UTRN: variants seen among roughly 807,000 people sequenced by gnomAD.
UTRN encodes dystrophin-related protein 1.
Under a neutral mutation model 463.9 loss-of-function variants are expected in UTRN, and 283 were observed. The ratio of observed to expected loss-of-function variants is 0.61; its 90% CI spans 0.55 to 0.67. The LOEUF is 0.67. UTRN is among the 30% of genes least tolerant of loss of function. UTRN has a pLI of 0.00. For missense variants in UTRN, 3,922 were observed against 4,084.3 expected (o/e 0.96, Z 1.08); for synonymous variants, 1,442 against 1,431.5 (o/e 1.01, Z -0.17).
intron 48 of UTRN, among the ~76,000 whole-genome samples, chr6:144,552,357 T>A (rs998286500): frequency 6.6e-6 from 1 of 152,226 alleles, no homozygotes; most frequent in Non-Finnish European, 1.5e-5. Flanking sequence ...ATTGTGCCTA[T>A]TATGGAACTT....
At chr6:144,389,980 A>T (rs980646854) in intron 2 of UTRN, among the ~76,000 whole-genome samples, 6 of 152,214 alleles carry the variant, frequency 3.9e-5, no homozygotes, top group African/African-American at 1.4e-4. Context: ...TGGTCAAAGA[A>T]TATAGTTTGA....
Position 144,836,468 on chromosome 6 carries a change from G to T in UTRN, c.9992G>T (p.Arg3331Met). 1 of 1,614,020 alleles carries T rather than the reference G, an allele frequency of 6.2e-7. No individual in the cohort carries two copies. Among genetic ancestry groups the T allele is most frequent in the Non-Finnish European group, 8.5e-7 (1 of 1,179,970 alleles). Residue 3331 changes from arginine to methionine, a missense_variant, in exon 71 of 75, where the codon AGG becomes ATG. Around this residue, in one of 3 missense-constraint regions of UTRN, gnomAD observed 1,309 missense variants for 1,452.6 expected, o/e 0.90. Transcript: ENST00000367545. ...LRQHKGRLEARMQILEDHNKQ... is the reference protein window; with the variant it reads ...LRQHKGRLEAMMQILEDHNKQ... ...CAGCACAAAGGTCGGCTGGAGGCTA[G>T]GATGCAGATTTTAGAAGATCACAAT...
At chr6:144,822,304 G>C (rs1779669976) in intron 66 of UTRN, among the ~76,000 whole-genome samples, 1 of 152,028 alleles carries the variant, frequency 6.6e-6, no homozygotes, top group Admixed American at 6.6e-5. Context: ...AAAGAACACA[G>C]CCAAAGCATA....
intron 64 of UTRN, chr6:144,799,346 T>A (rs1236030170): frequency 1.4e-5 from 6 of 437,538 alleles, no homozygotes; most frequent in Non-Finnish European, 2.4e-5. Context: ...CTTGCTGCTA[T>A]GCATTCTAAG....
intron 58 of UTRN, among the ~76,000 whole-genome samples, chr6:144,764,782 C>G (rs953365618): frequency 6.6e-6 from 1 of 151,700 alleles, no homozygotes; most frequent in Non-Finnish European, 1.5e-5. Context: ...GTAATTAATC[C>G]CTTCTTTTAA....
At chr6:144,548,470 G>A (rs1274605398) in intron 46 of UTRN, among the ~76,000 whole-genome samples, 170 bp from the exon 47 acceptor site, 1 of 151,954 alleles carries the variant, frequency 6.6e-6, no homozygotes, top group African/African-American at 2.4e-5. Context: ...AAAGACATAT[G>A]GATATTACAG....
Position 144,811,384 on chromosome 6 carries a change from C to T in UTRN, c.9357+8237C>T, listed in dbSNP as rs562906759. Reference sequence around the variant, plus strand: ...GGGGTGTTTGCCAATATACTGAAAACGCAGCATCACGGCTGTTTCTCTGAC... The same window carrying T: ...GGGGTGTTTGCCAATATACTGAAAATGCAGCATCACGGCTGTTTCTCTGAC... On this transcript the variant is annotated intron_variant, in intron 65 of 74. Coordinates refer to ENST00000367545, the MANE Select transcript of UTRN (RefSeq NM_007124.3). 1.6e-3 allele frequency among the ~76,000 whole-genome samples: 238 copies of T among 152,168 alleles called. 1 individual carries two copies. Among genetic ancestry groups the T allele is most frequent in the African/African-American group, 5.2e-3 (218 of 41,526 alleles).
chr6:144,834,560 G>GT (rs1222502484), intron 69 of UTRN, among the ~76,000 whole-genome samples: 5 of 152,256 alleles, frequency 3.3e-5, no homozygotes, highest in African/African-American at 1.2e-4. Flanking sequence ...GTAAACTGCA[G>GT]TAACACCAAG....
intron 2 of UTRN, among the ~76,000 whole-genome samples, chr6:144,345,125 A>C (rs530750736): frequency 9.4e-4 from 143 of 152,148 alleles, no homozygotes; most frequent in Non-Finnish European, 1.8e-3. Context: ...TTCTTGTGGA[A>C]TTACTCTTTC....
chr6:144,386,839 G>A (rs986896894), intron 2 of UTRN, among the ~76,000 whole-genome samples: 4 of 151,050 alleles, frequency 2.6e-5, no homozygotes, highest in Non-Finnish European at 5.9e-5. Flanking sequence ...TTTTTAACTT[G>A]TCATGGCGGA....
chr6:144,329,566 A>T (rs571085024), intron 2 of UTRN, among the ~76,000 whole-genome samples: 2 of 152,286 alleles, frequency 1.3e-5, no homozygotes, highest in East Asian at 3.9e-4. Context: ...TATTTTCAAG[A>T]TACCTGCTAG....
chr6:144,525,308 C>T (rs768783685), intron 41 of UTRN, among the ~76,000 whole-genome samples: 9 of 152,062 alleles, frequency 5.9e-5, no homozygotes, highest in East Asian at 1.9e-4. Context: ...CTGAACCCAT[C>T]GGGTCCTGGG....
At chr6:144,448,880 G>T (rs2128556136) in intron 17 of UTRN, 111 bp downstream of exon 17, 1 of 1,213,066 alleles carries the variant, frequency 8.2e-7, no homozygotes, top group Non-Finnish European at 1.1e-6. Flanking sequence ...GACATAATAA[G>T]TATTATTATT....
chr6:144,476,075 T>TAA (rs149978350), intron 25 of UTRN, among the ~76,000 whole-genome samples: 2 of 141,870 alleles, frequency 1.4e-5, no homozygotes, highest in African/African-American at 5.2e-5. Context: ...GATCCTGTCT[T>TAA]AAAAAAAAAA....
chr6:144,550,223 T>C (rs1798781277), intron 47 of UTRN, among the ~76,000 whole-genome samples: 1 of 152,158 alleles, frequency 6.6e-6, no homozygotes, highest in Non-Finnish European at 1.5e-5. Flanking sequence ...GATTTAGGAT[T>C]GAAAGTTGTG....
intron 2 of UTRN, among the ~76,000 whole-genome samples, chr6:144,358,426 T>C (rs1035656805): frequency 6.6e-6 from 1 of 152,204 alleles, no homozygotes; most frequent in Non-Finnish European, 1.5e-5. Context: ...CTATAGGTGA[T>C]AGTGAGCCAT....
chr6:144,671,384 T>G (rs1217551575), intron 51 of UTRN, among the ~76,000 whole-genome samples: 1 of 152,114 alleles, frequency 6.6e-6, no homozygotes, highest in African/African-American at 2.4e-5. Context: ...CTAAGTATTT[T>G]ATTTTTTTTA....
chr6:144,290,184 A>G (rs999003046), intron 1 of UTRN, among the ~76,000 whole-genome samples: 19 of 152,232 alleles, frequency 1.2e-4, no homozygotes, highest in African/African-American at 4.6e-4. Context: ...ACCATAATTA[A>G]TGTTAAAGAA....
At chr6:144,843,084 G>C (rs1395356915) in intron 73 of UTRN, among the ~76,000 whole-genome samples, 1 of 152,100 alleles carries the variant, frequency 6.6e-6, no homozygotes, top group Admixed American at 6.5e-5. Flanking sequence ...TAGTCTTTAT[G>C]AGCCAGAATT....
Sources: allele counts gnomAD v4.1 joint callset (sites outside exome capture counted in the v4.1 genomes callset), GRCh38; gene constraint gnomAD v4.1.1; regional missense constraint gnomAD v4.1.1; transcripts MANE v1.5; gene names NCBI Gene and HGNC (gene_info 2026-07-23, HGNC 2026-07-21).